Variants in ABLIM2 observed in about 807,000 individuals in gnomAD.
The protein encoded by ABLIM2 is actin binding LIM protein family member 2, also known as actin-binding LIM protein 2.
A neutral mutation model predicts 97.7 loss-of-function variants in ABLIM2; 53 were observed. That is an observed-to-expected ratio of 0.54 (90% confidence interval 0.44 to 0.68). ABLIM2 has a LOEUF of 0.68. Among genes scored for constraint, ABLIM2 ranks in the 30% least tolerant of loss-of-function variants. The pLI is 0.00. For missense variants in ABLIM2, 835 were observed against 867.2 expected (o/e 0.96, Z 0.47); for synonymous variants, 361 against 345.8 (o/e 1.04, Z -0.49).
rs1422048007 is a variant in ABLIM2 at position 8,123,544 on chromosome 4, T to C, written c.11-16907A>G. The stretch of plus-strand genomic sequence containing the variant: ...CATTTCCGGCATGTCTAATTAAAAC[T>C]GGTCGTCGGGATGGCTGGCCTGGAG... On this transcript the variant is annotated intron_variant, in intron 1 of 20. Transcript: ENST00000447017. This position sits in a 1 kb window ranked among gnomAD's most constrained non-coding sequence, Gnocchi z 6.2. Among the ~76,000 whole-genome samples the C allele has an allele frequency of 6.6e-6, 1 of 152,212 alleles. No individual in the cohort carries two copies. Among genetic ancestry groups the C allele is most frequent in the Admixed American group, 6.5e-5 (1 of 15,286 alleles).
In ABLIM2 at chr4:7,986,108, G is replaced by A. The variant is rs1328193577; in HGVS notation, c.1681-1215C>T. Among the ~76,000 whole-genome samples, 2 of 152,246 alleles carry A rather than the reference G, an allele frequency of 1.3e-5. No homozygotes were observed. Among genetic ancestry groups the A allele is most frequent in the Non-Finnish European group, 2.9e-5 (2 of 68,052 alleles). ...CAGCACCTGGAACGGGGTCTCAAAC[G>A]GGGTCAGGGCTCTCGGCCAGTGCTG... On this transcript the variant is annotated intron_variant, in intron 17 of 20. Coordinates refer to ENST00000447017, the MANE Select transcript of ABLIM2 (RefSeq NM_001130083.2). The surrounding 1 kb of genome is among the most constrained non-coding windows in gnomAD (Gnocchi z 4.3).
intron 2 of ABLIM2, among the ~76,000 whole-genome samples, chr4:8,099,169 C>T (rs1049572246): frequency 5.9e-5 from 9 of 152,160 alleles, no homozygotes; most frequent in Admixed American, 3.3e-4. Context: ...ATGCTTTGTC[C>T]GATCTTGCAC....
At chr4:8,040,146 G>T (rs1329885680) in intron 9 of ABLIM2, among the ~76,000 whole-genome samples, 1 of 152,140 alleles carries the variant, frequency 6.6e-6, no homozygotes, top group Admixed American at 6.6e-5. Flanking sequence ...TGAAGGAAGG[G>T]GATGCTGCAT....
At chr4:8,134,277 CA>C (rs1367577590) in intron 1 of ABLIM2, among the ~76,000 whole-genome samples, 8 of 152,324 alleles carry the variant, frequency 5.3e-5, no homozygotes, top group Admixed American at 2.6e-4. Flanking sequence ...CACAGAGATG[CA>C]GTGAGAAAAT....
At chr4:7,983,626 T>A (rs1481263106) in intron 18 of ABLIM2, 72 bp from the exon 19 acceptor site, 1 of 1,573,868 alleles carries the variant, frequency 6.4e-7, no homozygotes, top group Non-Finnish European at 8.7e-7. Flanking sequence ...GTGAGTGCAA[T>A]CCCTGCCCTG....
At position 8,127,637 on chromosome 4, in the gene ABLIM2, A is replaced by G. The variant is rs1374473303; in HGVS notation, c.11-21000T>C. 2 of 1,288,018 alleles carry G rather than the reference A, an allele frequency of 1.6e-6. No individual in the cohort carries two copies. The highest frequency in any genetic ancestry group is 1.0e-6 in the Non-Finnish European group (1 of 987,718). 79.8% of individuals were successfully genotyped at this position (1,288,018 alleles called of 1,614,324 possible). On this transcript the variant is annotated intron_variant, in intron 1 of 20. Coordinates refer to ENST00000447017, the MANE Select transcript of ABLIM2 (RefSeq NM_001130083.2). This position sits in a 1 kb window ranked among gnomAD's most constrained non-coding sequence, Gnocchi z 7.3. Reference sequence around the variant, plus strand: ...CTCCCTCTGCGTGGCTGGGCCTGGCACCCACGGAGGATCGGGCAGGAGTGG... The same window carrying G: ...CTCCCTCTGCGTGGCTGGGCCTGGCGCCCACGGAGGATCGGGCAGGAGTGG...
rs992967558 is a variant in ABLIM2, at chr4:8,046,234, C to A, written c.823-993G>T. Among the ~76,000 whole-genome samples, 4 of 152,130 alleles carry A rather than the reference C, an allele frequency of 2.6e-5. No homozygotes were observed. Among genetic ancestry groups the A allele is most frequent in the East Asian group, 1.9e-4 (1 of 5,188 alleles). The stretch of plus-strand genomic sequence containing the variant: ...TTTGTGACTGTCCTGCCTCTCCCCC[C>A]ACCTCAGCCCCCTCCAGCCCTGCGG... On this transcript the variant is annotated intron_variant, in intron 8 of 20. Coordinates refer to ENST00000447017, the MANE Select transcript of ABLIM2 (RefSeq NM_001130083.2). The surrounding 1 kb of genome is among the most constrained non-coding windows in gnomAD (Gnocchi z 4.4).
At chr4:8,115,601 T>G (rs1222744775) in intron 1 of ABLIM2, among the ~76,000 whole-genome samples, 1 of 152,226 alleles carries the variant, frequency 6.6e-6, no homozygotes, top group Non-Finnish European at 1.5e-5. Context: ...TGGAAGCCTC[T>G]GAGCTTATCC....
rs1055375350 is a variant in ABLIM2 at position 8,004,666 on chromosome 4, T to C, written c.1618+3393A>G. Among the ~76,000 whole-genome samples the C allele has an allele frequency of 3.3e-5, 5 of 151,880 alleles. No homozygotes were observed. The highest frequency in any genetic ancestry group is 1.2e-4 in the African/African-American group (5 of 41,348). ...AGGCCCTACTGCCGGGGACACGGAG[T>C]CCACACCACCTTGTGTTCCTCCCCC... On this transcript the variant is annotated intron_variant, in intron 16 of 20. Coordinates refer to ENST00000447017, the MANE Select transcript of ABLIM2 (RefSeq NM_001130083.2). This position sits in a 1 kb window ranked among gnomAD's most constrained non-coding sequence, Gnocchi z 5.9.
rs1186921404 is a variant in ABLIM2, at chr4:8,015,910, T to G, written c.1423+3708A>C. On this transcript the variant is annotated intron_variant, in intron 14 of 20. Coordinates refer to ENST00000447017, the MANE Select transcript of ABLIM2 (RefSeq NM_001130083.2). The surrounding 1 kb of genome is among the most constrained non-coding windows in gnomAD (Gnocchi z 4.6). ...AGTTTTTCATCTTTTATGCATATTT[T>G]CCTAAATTTTATATAGCAAATCGAT... 1.3e-5 allele frequency among the ~76,000 whole-genome samples: 2 copies of G among 152,220 alleles called. No homozygotes were observed. The highest frequency in any genetic ancestry group is 2.9e-5 in the Non-Finnish European group (2 of 68,050).
In ABLIM2 at chr4:8,043,315, G is replaced by A. The variant is rs1789984899; in HGVS notation, c.900+1849C>T. ...CAGCTGTGACCCTTTCAATGGGTGA[G>A]GAAACAGACCATACCTTTGTGCGCC... is the stretch of plus-strand genomic sequence containing the variant. On this transcript the variant is annotated intron_variant, in intron 9 of 20. Coordinates refer to ENST00000447017, the MANE Select transcript of ABLIM2 (RefSeq NM_001130083.2). The surrounding 1 kb of genome is among the most constrained non-coding windows in gnomAD (Gnocchi z 4.8). Among the ~76,000 whole-genome samples the A allele has an allele frequency of 6.6e-6, 1 of 152,104 alleles. No individual in the cohort carries two copies. Among genetic ancestry groups the A allele is most frequent in the South Asian group, 2.1e-4 (1 of 4,820 alleles).
intron 6 of ABLIM2, among the ~76,000 whole-genome samples, chr4:8,070,599 T>G (rs1372975408): frequency 1.3e-5 from 2 of 152,072 alleles, no homozygotes; most frequent in East Asian, 3.9e-4. Flanking sequence ...ATTGCAAGAA[T>G]GATGTTCAAC....
At chr4:7,972,208 G>A (rs977256357) in intron 20 of ABLIM2, among the ~76,000 whole-genome samples, 2 of 152,200 alleles carry the variant, frequency 1.3e-5, no homozygotes, top group African/African-American at 4.8e-5. Flanking sequence ...GGCTTAGCGG[G>A]GCAATGACGT....
At position 8,120,377 on chromosome 4, in the gene ABLIM2, C is replaced by T. The variant is rs1561542627; in HGVS notation, c.11-13740G>A. ...TCTGGAGGGTGGGTCCTCATCCAGT[C>T]TGACTGGTGTCAGAAAAAGGGGAAA... On this transcript the variant is annotated intron_variant, in intron 1 of 20. Transcript: ENST00000447017. The surrounding 1 kb of genome is among the most constrained non-coding windows in gnomAD (Gnocchi z 5.6). 6.6e-6 allele frequency among the ~76,000 whole-genome samples: 1 copy of T among 152,184 alleles called. No individual in the cohort carries two copies. The highest frequency in any genetic ancestry group is 1.5e-5 in the Non-Finnish European group (1 of 68,036).
rs13124428 is a variant in ABLIM2 at position 8,095,827 on chromosome 4, C to T, written c.338+1272G>A. ...CCTGGGGTTCGACGAGGAATCTCTGCCCTGGACAGGACTCAGATGTTTCCC... is the reference window on the plus strand; with the variant it reads ...CCTGGGGTTCGACGAGGAATCTCTGTCCTGGACAGGACTCAGATGTTTCCC... On this transcript the variant is annotated intron_variant, in intron 3 of 20. Coordinates refer to ENST00000447017, the MANE Select transcript of ABLIM2 (RefSeq NM_001130083.2). This position sits in a 1 kb window ranked among gnomAD's most constrained non-coding sequence, Gnocchi z 4.7. Among the ~76,000 whole-genome samples the T allele has an allele frequency of 0.019, 2,880 of 152,300 alleles. 49 individuals carry two copies. The highest frequency in any genetic ancestry group is 0.04 in the South Asian group (194 of 4,822).
intron 16 of ABLIM2, among the ~76,000 whole-genome samples, chr4:8,000,766 G>C (rs919768057): frequency 2.0e-5 from 3 of 152,178 alleles, no homozygotes; most frequent in African/African-American, 7.2e-5. Flanking sequence ...TGCTGCCTGG[G>C]AACGGGAGGC....
chr4:8,000,596 C>G (rs1344611648), intron 16 of ABLIM2, among the ~76,000 whole-genome samples: 1 of 152,132 alleles, frequency 6.6e-6, no homozygotes, highest in Admixed American at 6.5e-5. Context: ...CTCAGGTGCT[C>G]TTCTGGACAG....
At chr4:8,091,927 GTATAT>G (rs1395762972) in intron 3 of ABLIM2, among the ~76,000 whole-genome samples, 4 of 116,036 alleles carry the variant, frequency 3.4e-5, no homozygotes, top group Non-Finnish European at 6.5e-5. Flanking sequence ...AATATATAAT[GTATAT>G]TATAATATAT....
In ABLIM2 at chr4:8,028,493, G is replaced by T. The variant is rs116496203; in HGVS notation, c.1169-636C>A. ...CACTCACTCTCTCATTCCCTTATTTGCTCATTCATTCAATCACTCATTTAC... is the reference window on the plus strand; with the variant it reads ...CACTCACTCTCTCATTCCCTTATTTTCTCATTCATTCAATCACTCATTTAC... On this transcript the variant is annotated intron_variant, in intron 11 of 20. Coordinates refer to ENST00000447017, the MANE Select transcript of ABLIM2 (RefSeq NM_001130083.2). Among the ~76,000 whole-genome samples, 828 of 150,884 alleles carry T rather than the reference G, an allele frequency of 5.5e-3. 10 individuals are homozygous for T. Among genetic ancestry groups the T allele is most frequent in the African/African-American group, 0.019 (760 of 40,978 alleles).
Sources: allele counts gnomAD v4.1 joint callset (sites outside exome capture counted in the v4.1 genomes callset), GRCh38; gene constraint gnomAD v4.1.1; non-coding constraint Gnocchi (gnomAD v3.1); transcripts MANE v1.5; gene names NCBI Gene and HGNC (gene_info 2026-07-23, HGNC 2026-07-21).